The following COX7B2 variants were observed in gnomAD, a reference collection of about 807,000 sequenced individuals.
COX7B2 encodes the protein cytochrome c oxidase subunit 7B2, also known as cytochrome c oxidase subunit 7B2, mitochondrial.
For synonymous variants in COX7B2, 37 were observed against 32.1 expected (o/e 1.15, Z -0.51); for missense variants, 109 against 95.9 (o/e 1.14, Z -0.57).
chr4:46,736,769 AT>A (rs1225004667), intron 2 of COX7B2, among the ~76,000 whole-genome samples: 1 of 152,088 alleles, frequency 6.6e-6, no homozygotes, highest in East Asian at 1.9e-4. Context: ...GTTCATTCAT[AT>A]CTTTTTGTGG....
chr4:46,799,166 C>A (rs939882786), intron 2 of COX7B2, among the ~76,000 whole-genome samples: 11 of 152,048 alleles, frequency 7.2e-5, no homozygotes, highest in African/African-American at 2.7e-4. Flanking sequence ...TCAGCTTGAA[C>A]GTTATTGGTG....
intron 2 of COX7B2, among the ~76,000 whole-genome samples, chr4:46,782,305 G>A (rs1471688011): frequency 6.6e-6 from 1 of 152,082 alleles, no homozygotes; most frequent in Middle Eastern, 3.2e-3. Context: ...CTAAAGGATT[G>A]TAAACGCACC....
In COX7B2 at chr4:46,766,587, G is replaced by A. The variant is rs563837730; in HGVS notation, c.-49-31346C>T. Among the ~76,000 whole-genome samples the A allele has an allele frequency of 1.3e-4, 19 of 151,732 alleles. 1 individual carries two copies. The highest frequency in any genetic ancestry group is 3.4e-3 in the Middle Eastern group (1 of 294). On this transcript the variant is annotated intron_variant, in intron 2 of 2. Coordinates refer to ENST00000355591, the MANE Select transcript of COX7B2 (RefSeq NM_130902.3). Reference sequence around the variant, plus strand: ...CGTGGTGGCACATGCCTGTAATCCCGGCTACTTGGGAGGCTGAGGCAGGAG... The same window carrying A: ...CGTGGTGGCACATGCCTGTAATCCCAGCTACTTGGGAGGCTGAGGCAGGAG...
chr4:46,887,710 C>CAAAAA (rs564556459), intron 1 of COX7B2, among the ~76,000 whole-genome samples: 1 of 41,658 alleles, frequency 2.4e-5, no homozygotes, highest in Non-Finnish European at 5.3e-5. Flanking sequence ...GACTCCTTCT[C>CAAAAA]AAAAAAAAAA....
chr4:46,780,962 A>T (rs1717413755), intron 2 of COX7B2, among the ~76,000 whole-genome samples: 1 of 152,190 alleles, frequency 6.6e-6, no homozygotes, highest in African/African-American at 2.4e-5. Flanking sequence ...AAATATGAAA[A>T]TATGTTTCAT....
intron 2 of COX7B2, among the ~76,000 whole-genome samples, chr4:46,803,743 T>A (rs1440070200): frequency 6.6e-6 from 1 of 151,440 alleles, no homozygotes; most frequent in East Asian, 1.9e-4. Flanking sequence ...TTTTTTTTTT[T>A]TTTTTTTTTA....
At chr4:46,776,172 C>A (rs1010616931) in intron 2 of COX7B2, among the ~76,000 whole-genome samples, 1 of 151,914 alleles carries the variant, frequency 6.6e-6, no homozygotes, top group Non-Finnish European at 1.5e-5. Context: ...AGTAGACAGA[C>A]AAAGTCCATG....
chr4:46,864,285 C>T (rs1453392335), intron 1 of COX7B2, among the ~76,000 whole-genome samples: 1 of 152,046 alleles, frequency 6.6e-6, no homozygotes, highest in Non-Finnish European at 1.5e-5. Context: ...CTTATGAGCC[C>T]CCCAGGTTTC....
intron 1 of COX7B2, among the ~76,000 whole-genome samples, chr4:46,889,734 A>G (rs1465983045): frequency 6.6e-6 from 1 of 152,160 alleles, no homozygotes; most frequent in African/African-American, 2.4e-5. Context: ...CTTTTTAATT[A>G]AGTTTACTTA....
chr4:46,789,054 CA>C (rs1436716198), intron 2 of COX7B2, among the ~76,000 whole-genome samples: 3 of 152,114 alleles, frequency 2.0e-5, no homozygotes, highest in Non-Finnish European at 2.9e-5. Flanking sequence ...CTGAACTTCA[CA>C]AACATGGGCA....
intron 2 of COX7B2, among the ~76,000 whole-genome samples, chr4:46,839,782 G>T (rs918634527): frequency 2.0e-5 from 3 of 151,984 alleles, no homozygotes; most frequent in Non-Finnish European, 4.4e-5. Flanking sequence ...AAGACTGAAA[G>T]CCATTTGCAT....
intron 2 of COX7B2, among the ~76,000 whole-genome samples, chr4:46,840,846 G>A (rs1715882217): frequency 1.3e-5 from 2 of 151,978 alleles, no homozygotes; most frequent in African/African-American, 4.8e-5. Context: ...CTTGTGCAGT[G>A]GGAAGTTAGT....
At chr4:46,890,906 T>C (rs1482242631) in intron 1 of COX7B2, among the ~76,000 whole-genome samples, 2 of 152,176 alleles carry the variant, frequency 1.3e-5, no homozygotes, top group Non-Finnish European at 1.5e-5. Context: ...AAATGGATCT[T>C]TCTGGTCATG....
At chr4:46,801,616 T>A (rs1232801652) in intron 2 of COX7B2, among the ~76,000 whole-genome samples, 2 of 152,096 alleles carry the variant, frequency 1.3e-5, no homozygotes, top group African/African-American at 4.8e-5. Context: ...CTATAGGGTG[T>A]TATGCCCACT....
At chr4:46,776,718 G>A (rs1717173502) in intron 2 of COX7B2, among the ~76,000 whole-genome samples, 1 of 152,010 alleles carries the variant, frequency 6.6e-6, no homozygotes, top group South Asian at 2.1e-4. Context: ...GCTACAGATG[G>A]AACAATAAGA....
chr4:46,789,589 T>C (rs1289346358), intron 2 of COX7B2, among the ~76,000 whole-genome samples: 2 of 152,168 alleles, frequency 1.3e-5, no homozygotes, highest in Non-Finnish European at 2.9e-5. Flanking sequence ...GAGTGAACCA[T>C]ATAAAATGGA....
At chr4:46,774,702 C>T (rs2109529604) in intron 2 of COX7B2, among the ~76,000 whole-genome samples, 2 of 151,972 alleles carry the variant, frequency 1.3e-5, no homozygotes, top group Middle Eastern at 6.8e-3. Flanking sequence ...TCTCATATCC[C>T]TATCCATTTT....
chr4:46,903,828 A>G (rs1417970488), intron 1 of COX7B2: 5 of 152,230 alleles, frequency 3.3e-5, no homozygotes, highest in Non-Finnish European at 5.9e-5. Context: ...TATACCATCT[A>G]GGTTTGTGTA....
At chr4:46,828,127 C>T (rs934165514) in intron 2 of COX7B2, among the ~76,000 whole-genome samples, 1 of 151,978 alleles carries the variant, frequency 6.6e-6, no homozygotes, top group African/African-American at 2.4e-5. Flanking sequence ...AAACATAATG[C>T]AAAATGTAAC....
Sources: gnomAD v4.1 joint callset for allele counts (sites outside exome capture counted in the v4.1 genomes callset) on GRCh38, gnomAD v4.1.1 for gene constraint, MANE v1.5 for transcripts, NCBI Gene and HGNC (gene_info 2026-07-23, HGNC 2026-07-21) for gene names.